Variants in ROS1 observed in about 807,000 individuals in gnomAD.
ROS1 encodes proto-oncogene tyrosine-protein kinase ROS.
Under a neutral mutation model 273.5 loss-of-function variants are expected in ROS1, and 263 were observed. The ratio of observed to expected loss-of-function variants is 0.96; its 90% CI spans 0.87 to 1.06. The LOEUF (loss-of-function observed/expected upper bound fraction) is 1.06. Among genes scored for constraint, ROS1 ranks in the 50% least tolerant of loss-of-function variants. The pLI is 0.00. For synonymous variants in ROS1, 1,008 were observed against 954.1 expected (o/e 1.06, Z -1.04); for missense variants, 2,833 against 2,751.1 (o/e 1.03, Z -0.67).
intron 43 of ROS1, among the ~76,000 whole-genome samples, chr6:117,292,809 C>T (rs1425971086): frequency 2.6e-5 from 4 of 152,200 alleles, no homozygotes; most frequent in Non-Finnish European, 5.9e-5. Context: ...TTTTTACGCA[C>T]TTAGTTGCCA....
intron 35 of ROS1, among the ~76,000 whole-genome samples, chr6:117,322,945 A>G (rs936104033): frequency 6.6e-6 from 1 of 152,154 alleles, no homozygotes; most frequent in Non-Finnish European, 1.5e-5. Context: ...CACTAGAGTT[A>G]TGGGTTTAAA....
At chr6:117,381,840 T>C (rs1358204334) in intron 17 of ROS1, among the ~76,000 whole-genome samples, 1 of 152,166 alleles carries the variant, frequency 6.6e-6, no homozygotes, top group Non-Finnish European at 1.5e-5. Context: ...CCATAGAGGT[T>C]GTACTAATTT....
rs1773343782 is a variant in ROS1 at position 117,394,612 on chromosome 6, T to A, written c.1006+4A>T. 2 of 1,592,800 alleles carry A rather than the reference T, an allele frequency of 1.3e-6. No homozygotes were observed. The highest frequency in any genetic ancestry group is 3.5e-5 in the Admixed American group (2 of 57,494). On this transcript the variant is annotated splice_donor_region_variant and intron_variant, in intron 10 of 43. Coordinates refer to ENST00000368507, the MANE Select transcript of ROS1 (RefSeq NM_001378902.1). ...AAGGAATCATTTATCCTTATCATAC[T>A]GACCTGTAATATTATGGTATATAGC...
rs751375172 is a variant in ROS1, at chr6:117,296,866, T to C, written c.6715+4108A>G. Among the ~76,000 whole-genome samples, 4 of 152,318 alleles carry C rather than the reference T, an allele frequency of 2.6e-5. No individual in the cohort carries two copies. In the South Asian group the frequency reaches 8.3e-4, roughly 32 times the overall value. On this transcript the variant is annotated intron_variant, in intron 43 of 43. Coordinates refer to ENST00000368507, the MANE Select transcript of ROS1 (RefSeq NM_001378902.1). ...GGGGTGGATACTCCATTCTCCATGA[T>C]GTGATTATTACACATTACATGCCTG...
Position 117,288,661 on chromosome 6 carries a change from A to G in ROS1, c.6857T>C (p.Leu2286Pro). The G allele has an allele frequency of 1.2e-6, 2 of 1,614,140 alleles. No homozygotes were observed. The highest frequency in any genetic ancestry group is 1.7e-6 in the Non-Finnish European group (2 of 1,180,022). ...GQGEEKSEGP[L>P]GSQESESCGL... ...ACAAGATTCAGATTCCTGGGAGCCT[A>G]GAGGACCCTCAGACTTTTCTTCACC... The change falls in exon 44 of 44, where the codon CTA (leucine) becomes CCA (proline). Residue 2286 changes from leucine to proline, a missense_variant. By Grantham distance (98) the Leu-to-Pro change is moderately conservative (BLOSUM62 -3). Coordinates refer to ENST00000368507, the MANE Select transcript of ROS1 (RefSeq NM_001378902.1).
intron 27 of ROS1, among the ~76,000 whole-genome samples, chr6:117,344,570 C>A (rs929771267): frequency 6.6e-6 from 1 of 152,108 alleles, no homozygotes; most frequent in South Asian, 2.1e-4. Context: ...GGAGGAAAAA[C>A]TGTTTCTGAA....
At chr6:117,321,465 A>T (rs1776287305) in intron 35 of ROS1, 71 bp from the exon 36 acceptor site, 2 of 1,359,430 alleles carry the variant, frequency 1.5e-6, no homozygotes, top group Non-Finnish European at 2.0e-6. Flanking sequence ...AAATGTTAAC[A>T]GTGCATTTGA....
At position 117,403,213 on chromosome 6, in the gene ROS1, A is replaced by C. The variant is rs1334656084; in HGVS notation, c.530T>G (p.Val177Gly). The C allele has an allele frequency of 6.2e-7, 1 of 1,611,964 alleles. No individual in the cohort carries two copies. The highest frequency in any genetic ancestry group is 1.1e-5 in the South Asian group (1 of 90,408). ...CAGCTGCGCTGTGAAGATCCAAACC[A>C]CTCGGAAAATGTACTCAGTGAAGGG... ...LHPFTEYIFRVVWIFTAQLQL... is the reference protein window; with the variant it reads ...LHPFTEYIFRGVWIFTAQLQL... Residue 177 changes from valine (V) to glycine (G), a missense_variant, in exon 7 of 44, where the codon GTG becomes GGG. Transcript: ENST00000368507.
Position 117,288,869 on chromosome 6 carries a change from T to G in ROS1, c.6716-67A>C, listed in dbSNP as rs188875147. Reference sequence around the variant, plus strand: ...TATTTATTTGTAATAATATACAAGCTATATCAGAATTATAGCAACACCAAC... The same window carrying G: ...TATTTATTTGTAATAATATACAAGCGATATCAGAATTATAGCAACACCAAC... On this transcript the variant is annotated intron_variant, in intron 43 of 43. Coordinates refer to ENST00000368507, the MANE Select transcript of ROS1 (RefSeq NM_001378902.1). The G allele has an allele frequency of 5.4e-4, 697 of 1,287,582 alleles. 8 individuals carry two copies. In the Admixed American group the frequency reaches 0.016, roughly 30 times the overall value. The allele number at this position is 1,287,582 out of a possible 1,614,324, so 79.8% of individuals were successfully genotyped here. A position where few individuals can be genotyped will look rare whatever the true frequency, so the allele number is the denominator to read the frequency against.
chr6:117,315,615 C>A (rs1332022772), intron 39 of ROS1, among the ~76,000 whole-genome samples: 1 of 151,990 alleles, frequency 6.6e-6, no homozygotes, highest in African/African-American at 2.4e-5. Context: ...AATTATCAAC[C>A]AAGTGTGAGG....
intron 12 of ROS1, among the ~76,000 whole-genome samples, chr6:117,390,995 A>G (rs980143148): frequency 9.2e-5 from 14 of 152,204 alleles, no homozygotes; most frequent in African/African-American, 3.1e-4. Flanking sequence ...TAACAGAAGT[A>G]TACTTTGATA....
chr6:117,383,416 T>C lies in ROS1; in HGVS notation c.2382A>G (p.Gly794=), dbSNP rs770900094. ...AATAGAGTGTGGTCCAGTAGAGATA[T>C]CCACCAACTGAATCCACCACCATGT... ...VNDMVVDSVG[G]YLYWTTLYSV... Residue 794 remains glycine, a synonymous_variant, in exon 17 of 44, where the codon GGA becomes GGG. Transcript: ENST00000368507. 3.7e-6 allele frequency: 6 copies of C among 1,613,918 alleles called. No individual in the cohort carries two copies. The East Asian group carries it at 1.3e-4, about 36-fold the overall frequency.
At position 117,361,132 on chromosome 6, in the gene ROS1, G is replaced by A. The variant is rs571863153; in HGVS notation, c.3367-727C>T. On this transcript the variant is annotated intron_variant, in intron 22 of 43. Transcript: ENST00000368507. ...ATGTAGAAACTGGCATCAGAACCAA[G>A]TCTTCTGAGGTCTACATACATTTTT... Among the ~76,000 whole-genome samples the A allele has an allele frequency of 2.6e-5, 4 of 152,078 alleles. No homozygotes were observed. In the East Asian group the frequency reaches 7.7e-4, roughly 29 times the overall value.
intron 31 of ROS1, among the ~76,000 whole-genome samples, chr6:117,337,805 T>C (rs1018383818): frequency 2.6e-4 from 39 of 152,164 alleles, no homozygotes; most frequent in Admixed American, 3.9e-4. Flanking sequence ...AAGTCCACAG[T>C]GACTTACAAA....
At chr6:117,377,859 A>G (rs916263798) in intron 18 of ROS1, among the ~76,000 whole-genome samples, 1 of 152,192 alleles carries the variant, frequency 6.6e-6, no homozygotes, top group Non-Finnish European at 1.5e-5. Flanking sequence ...TCATTTAAAA[A>G]TGAGAAAAAT....
chr6:117,335,830 C>T (rs1777419945), intron 32 of ROS1, among the ~76,000 whole-genome samples: 1 of 152,022 alleles, frequency 6.6e-6, no homozygotes, highest in African/African-American at 2.4e-5. Context: ...ACACCAGGGC[C>T]TGTTGAGGGA....
chr6:117,368,432 G>A (rs189086022), intron 18 of ROS1, among the ~76,000 whole-genome samples: 342 of 152,252 alleles, frequency 2.2e-3, no homozygotes, highest in Middle Eastern at 6.8e-3. Flanking sequence ...ACATAGGAGA[G>A]GGAAGAGTAG....
rs554071511 is a variant in ROS1, at chr6:117,288,309, G to A, written c.*183C>T. 33 of 602,374 alleles carry A rather than the reference G, an allele frequency of 5.5e-5. No individual in the cohort carries two copies. In the African/African-American group the frequency reaches 6.1e-4, roughly 11 times the overall value. The allele number at this position is 602,374 out of a possible 1,614,324, so 37.3% of individuals were successfully genotyped here. On this transcript the variant is annotated 3_prime_UTR_variant, in exon 44 of 44. Coordinates refer to ENST00000368507, the MANE Select transcript of ROS1 (RefSeq NM_001378902.1). ...TAATTCTACTGAAAGTCAGGCAGCT[G>A]GTATGGGGATTGCTACAACTGAAAC...
intron 1 of ROS1, among the ~76,000 whole-genome samples, chr6:117,422,188 G>A (rs1248833307): frequency 6.6e-6 from 1 of 151,900 alleles, no homozygotes; most frequent in Non-Finnish European, 1.5e-5. Context: ...TTTTGTATTT[G>A]TTGTAGAGAC....
Sources: allele counts gnomAD v4.1 joint callset (sites outside exome capture counted in the v4.1 genomes callset), GRCh38; gene constraint gnomAD v4.1.1; transcripts MANE v1.5; gene names NCBI Gene and HGNC (gene_info 2026-07-23, HGNC 2026-07-21).